UNKL: variants seen among roughly 807,000 people sequenced by gnomAD.
The protein encoded by UNKL is putative E3 ubiquitin-protein ligase UNKL.
Under a neutral mutation model 78.0 loss-of-function variants are expected in UNKL, and 60 were observed. That is an observed-to-expected ratio of 0.77 (90% CI 0.63 to 0.95). UNKL has a LOEUF of 0.95. Among genes scored for constraint, UNKL ranks in the 40% least tolerant of loss-of-function variants. The pLI, the probability that UNKL is intolerant of heterozygous loss-of-function variation, is 0.00. For synonymous variants in UNKL, 608 were observed against 474.8 expected (o/e 1.28, Z -3.65); for missense variants, 1,159 against 1,045.7 (o/e 1.11, Z -1.49).
chr16:1,401,828 G>A (rs901637712), intron 3 of UNKL, 127 bp from the exon 4 acceptor site: 24 of 1,327,900 alleles, frequency 1.8e-5, no homozygotes, highest in South Asian at 6.5e-5. Flanking sequence ...GGTTCAGGAC[G>A]GAGTCTCAGT....
chr16:1,414,053 T>C lies in UNKL; in HGVS notation c.80A>G (p.Tyr27Cys). Residue 27 changes from tyrosine (Y) to cysteine (C), a missense_variant and splice_region_variant, in exon 2 of 15, where the codon TAC (tyrosine) becomes TGC (cysteine). Tyr to Cys is a radical substitution (Grantham distance 194, BLOSUM62 -2). Transcript: ENST00000389221. ...PQTEKPTHYR[Y>C]LKEFRTEQCP... The stretch of plus-strand genomic sequence containing the variant: ...CTGCTCCGTCCTGAACTCCTTCAGG[T>C]ACCTACAAACACAGACAGCGCCGCG... 1 of 1,545,446 alleles carries C rather than the reference T, an allele frequency of 6.5e-7. No homozygotes were observed. The highest frequency in any genetic ancestry group is 8.7e-7 in the Non-Finnish European group (1 of 1,143,382).
At position 1,375,548 on chromosome 16, in the gene UNKL, G is replaced by A. The variant is rs73487848; in HGVS notation, c.1265-3937C>T. On this transcript the variant is annotated intron_variant, in intron 10 of 14. Transcript: ENST00000389221. The stretch of plus-strand genomic sequence containing the variant: ...GGCAGAGAACCTGAACCCCTGGGGC[G>A]TCCGGGACGGCACACGGCGCATGCG... Among the ~76,000 whole-genome samples, 1,101 of 152,306 alleles carry A rather than the reference G, an allele frequency of 7.2e-3. 14 individuals carry two copies. Among genetic ancestry groups the A allele is most frequent in the African/African-American group, 0.025 (1,042 of 41,562 alleles).
intron 6 of UNKL, among the ~76,000 whole-genome samples, chr16:1,395,209 C>T (rs2037212082): frequency 6.7e-6 from 1 of 149,828 alleles, no homozygotes; most frequent in African/African-American, 2.5e-5. Context: ...GCTCTGTCGC[C>T]CAGGCTGGAG....
At position 1,367,657 on chromosome 16, in the gene UNKL, T is replaced by G. The variant is rs571619124; in HGVS notation, c.1787A>C (p.Gln596Pro). The stretch of plus-strand genomic sequence containing the variant: ...TGTCTGGCCCCCCCACACACTCACC[T>G]GCTTCACCTGCTGCCAGGACTCCTC... ...QWEESWQQVK[Q>P]VCDAWQREAQ... Residue 596 changes from glutamine to proline, a missense_variant and splice_region_variant, in exon 13 of 15, where the codon CAG becomes CCG. Gln to Pro is a moderately conservative substitution (Grantham distance 76). Coordinates refer to ENST00000389221, the MANE Select transcript of UNKL (RefSeq NM_001372107.1). 1.6e-5 allele frequency: 23 copies of G among 1,395,392 alleles called. No individual in the cohort carries two copies. The East Asian group carries it at 7.2e-4, about 43-fold the overall frequency. The allele number at this position is 1,395,392 out of a possible 1,614,324, so 86.4% of individuals were successfully genotyped here. A position where few individuals can be genotyped will look rare whatever the true frequency, so the allele number is the denominator to read the frequency against.
Position 1,390,684 on chromosome 16 carries a change from C to CAGGT in UNKL, c.1033_1034insACCT (p.Arg345AsnfsTer11), listed in dbSNP as rs1420323272. ...AGGGCCACCCTCGGCCGGCGAGTCT[C>CAGGT]TCCGCTTGGCCTGCAACATAAAAAA... On this transcript the variant is annotated frameshift_variant, in exon 9 of 15. Coordinates refer to ENST00000389221, the MANE Select transcript of UNKL (RefSeq NM_001372107.1). LOFTEE classifies it high-confidence loss of function. 1 of 1,536,040 alleles carries CAGGT rather than the reference C, an allele frequency of 6.5e-7. No individual in the cohort carries two copies. Among genetic ancestry groups the CAGGT allele is most frequent in the Non-Finnish European group, 8.7e-7 (1 of 1,146,884 alleles).
intron 13 of UNKL, 124 bp from the exon 14 acceptor site, chr16:1,367,473 GACCCCTGCGGCCC>G: frequency 1.7e-6 from 2 of 1,205,386 alleles, no homozygotes; most frequent in African/African-American, 4.9e-5. Context: ...CCTCACCTGA[GACCCCTGCGGCCC>G]TCCCTCCCTC....
rs111337300 is a variant in UNKL, at chr16:1,402,068, C to A, written c.465-367G>T. 8.5e-3 allele frequency among the ~76,000 whole-genome samples: 1,296 copies of A among 152,356 alleles called. 21 individuals are homozygous for A. The highest frequency in any genetic ancestry group is 0.03 in the African/African-American group (1,238 of 41,578). On this transcript the variant is annotated intron_variant, in intron 3 of 14. Coordinates refer to ENST00000389221, the MANE Select transcript of UNKL (RefSeq NM_001372107.1). ...ATGGGCCACTATGCTCAGCCCCACC[C>A]AAGTAAGAGCGGAGTTTTGTGTGGG... is the stretch of plus-strand genomic sequence containing the variant.
In UNKL at chr16:1,387,716, C is replaced by T. The variant is rs954517486; in HGVS notation, c.1087-2331G>A. On this transcript the variant is annotated intron_variant, in intron 9 of 14. Transcript: ENST00000389221. This position sits in a 1 kb window ranked among gnomAD's most constrained non-coding sequence, Gnocchi z 4.1. ...GCACGGCCCTCCGGGGACGTGGACA[C>T]TGCACAGCCGCACGGCTGCCCGGCC... is the stretch of plus-strand genomic sequence containing the variant. 6.6e-6 allele frequency among the ~76,000 whole-genome samples: 1 copy of T among 152,130 alleles called. No individual in the cohort carries two copies. The highest frequency in any genetic ancestry group is 1.9e-4 in the East Asian group (1 of 5,168).
intron 2 of UNKL, among the ~76,000 whole-genome samples, chr16:1,410,155 C>T (rs2037970416): frequency 1.3e-5 from 2 of 151,912 alleles, no homozygotes; most frequent in African/African-American, 4.8e-5. Flanking sequence ...AATCCCAGCA[C>T]TTTGGGAGGC....
chr16:1,411,241 C>T (rs1031218148), intron 2 of UNKL, among the ~76,000 whole-genome samples: 1 of 152,068 alleles, frequency 6.6e-6, no homozygotes, highest in Non-Finnish European at 1.5e-5. Flanking sequence ...GAGTCTATAG[C>T]TCCAGAGGCT....
At chr16:1,410,337 G>A (rs915242364) in intron 2 of UNKL, among the ~76,000 whole-genome samples, 2 of 151,970 alleles carry the variant, frequency 1.3e-5, no homozygotes, top group African/African-American at 4.8e-5. Flanking sequence ...GCCAGGCACG[G>A]TGGCCCATGC....
intron 3 of UNKL, 104 bp from the exon 4 acceptor site, chr16:1,401,805 G>T: frequency 6.8e-7 from 1 of 1,467,996 alleles, no homozygotes; most frequent in Non-Finnish European, 9.1e-7. Context: ...GCACAGAGAG[G>T]CTGCTGCCGA....
Position 1,403,321 on chromosome 16 carries a change from G to A in UNKL, c.311C>T (p.Thr104Met), listed in dbSNP as rs376756809. The A allele has an allele frequency of 9.9e-6, 16 of 1,614,002 alleles. No homozygotes were observed. Among genetic ancestry groups the A allele is most frequent in the African/African-American group, 2.7e-5 (2 of 74,908 alleles). ...GTGGTACTTGCGTTCTGTGTCCCCCGTCGTCCGGTGCAGGTAGGGACACCT... is the reference window on the plus strand; with the variant it reads ...GTGGTACTTGCGTTCTGTGTCCCCCATCGTCCGGTGCAGGTAGGGACACCT... ...GDECPYLHRT[T>M]GDTERKYHLR... The change falls in exon 3 of 15, where the codon ACG becomes ATG. Residue 104 changes from threonine (T) to methionine (M), a missense_variant. Physicochemically the swap from Thr to Met is moderately conservative, Grantham distance 81. Coordinates refer to ENST00000389221, the MANE Select transcript of UNKL (RefSeq NM_001372107.1). The surrounding 1 kb of genome is among the most constrained non-coding windows in gnomAD (Gnocchi z 4.8).
chr16:1,410,506 CT>C (rs1313403944), intron 2 of UNKL, among the ~76,000 whole-genome samples: 2 of 152,098 alleles, frequency 1.3e-5, no homozygotes, highest in Non-Finnish European at 2.9e-5. Flanking sequence ...ACTTGGGAGG[CT>C]GAGGCAGGAG....
At chr16:1,367,633 G>C in intron 13 of UNKL, 23 bp downstream of exon 13, 1 of 1,332,126 alleles carries the variant, frequency 7.5e-7, no homozygotes, top group Non-Finnish European at 9.8e-7. Context: ...CCCCTCACCT[G>C]TCTGGCCCCC....
chr16:1,363,500 T>G lies in UNKL; in HGVS notation c.*2740A>C, dbSNP rs2141870348. 3.5e-6 allele frequency: 1 copy of G among 287,912 alleles called. No homozygotes were observed. Among genetic ancestry groups the G allele is most frequent in the East Asian group, 9.8e-5 (1 of 10,184 alleles). 17.8% of individuals were successfully genotyped at this position (287,912 alleles called of 1,614,324 possible). On this transcript the variant is annotated 3_prime_UTR_variant, in exon 15 of 15. Transcript: ENST00000389221. ...AGTTACACACGTCGTGACACCACTGTATCACGGCGAATGTCGAACACTAGA... is the reference window on the plus strand; with the variant it reads ...AGTTACACACGTCGTGACACCACTGGATCACGGCGAATGTCGAACACTAGA...
At chr16:1,383,962 A>G (rs1284630952) in intron 10 of UNKL, 2 of 268,048 alleles carry the variant, frequency 7.5e-6, no homozygotes, top group Admixed American at 7.4e-5. Flanking sequence ...ACCCGGGCTG[A>G]GCTGAGCAGG....
intron 6 of UNKL, among the ~76,000 whole-genome samples, chr16:1,395,219 G>A (rs1168502004): frequency 6.8e-6 from 1 of 146,452 alleles, no homozygotes; most frequent in Non-Finnish European, 1.5e-5. Context: ...CCAGGCTGGA[G>A]TACAATGGTG....
At chr16:1,405,254 G>A (rs1308788304) in intron 2 of UNKL, among the ~76,000 whole-genome samples, 1 of 146,350 alleles carries the variant, frequency 6.8e-6, no homozygotes, top group African/African-American at 2.6e-5. Context: ...GGGAGGGAGA[G>A]GAAAGAAAGA....
Sources: gnomAD v4.1 joint callset for allele counts (sites outside exome capture counted in the v4.1 genomes callset) on GRCh38, gnomAD v4.1.1 for gene constraint, Gnocchi (gnomAD v3.1) non-coding constraint, MANE v1.5 for transcripts, NCBI Gene and HGNC (gene_info 2026-07-23, HGNC 2026-07-21) for gene names.